Variants in PPP1R13B observed in about 807,000 individuals in gnomAD.
The protein encoded by PPP1R13B is protein phosphatase 1 regulatory subunit 13B, also known as apoptosis-stimulating of p53 protein 1.
In PPP1R13B, 44 loss-of-function variants were observed where a neutral mutation model predicts 119.8. The observed-to-expected ratio is 0.37, with a 90% CI of 0.29 to 0.47. The LOEUF (loss-of-function observed/expected upper bound fraction) is 0.47. Among genes scored for constraint, PPP1R13B ranks in the 20% least tolerant of loss-of-function variants. PPP1R13B has a pLI of 0.99. For missense variants in PPP1R13B, 1,227 were observed against 1,413.5 expected (o/e 0.87, Z 2.12); for synonymous variants, 542 against 561.5 (o/e 0.97, Z 0.49).
intron 4 of PPP1R13B, among the ~76,000 whole-genome samples, chr14:103,764,943 C>T (rs1364521324): frequency 6.6e-6 from 1 of 152,146 alleles, no homozygotes; most frequent in Non-Finnish European, 1.5e-5. Flanking sequence ...CTCAATCTCC[C>T]GAGTAGCTGG....
intron 2 of PPP1R13B, among the ~76,000 whole-genome samples, chr14:103,791,815 C>T (rs1332991433): frequency 6.6e-6 from 1 of 152,076 alleles, no homozygotes; most frequent in African/African-American, 2.4e-5. Context: ...ACACATATGC[C>T]TATAAAAAGA....
At chr14:103,826,592 T>C (rs576293465) in intron 1 of PPP1R13B, among the ~76,000 whole-genome samples, 7 of 152,078 alleles carry the variant, frequency 4.6e-5, no homozygotes, top group African/African-American at 1.7e-4. Context: ...ACATTGAAAA[T>C]TTCAAAACAA....
intron 1 of PPP1R13B, among the ~76,000 whole-genome samples, chr14:103,811,911 T>C (rs1595808590): frequency 6.8e-6 from 1 of 146,190 alleles, no homozygotes; most frequent in Non-Finnish European, 1.5e-5. Flanking sequence ...AAAAACAGCA[T>C]TAGCCGGGTG....
chr14:103,815,072 G>C (rs2086247077), intron 1 of PPP1R13B, among the ~76,000 whole-genome samples: 1 of 152,048 alleles, frequency 6.6e-6, no homozygotes, highest in Non-Finnish European at 1.5e-5. Context: ...AACAAAATGT[G>C]GTATACCCAT....
In PPP1R13B at chr14:103,742,392, C is replaced by A; in HGVS notation, c.1321-101G>T. 6.9e-7 allele frequency: 1 copy of A among 1,441,468 alleles called. No homozygotes were observed. The highest frequency in any genetic ancestry group is 9.2e-7 in the Non-Finnish European group (1 of 1,082,880). 89.3% of individuals were successfully genotyped at this position (1,441,468 alleles called of 1,614,324 possible). On this transcript the variant is annotated intron_variant, in intron 10 of 16. Coordinates refer to ENST00000202556, the MANE Select transcript of PPP1R13B (RefSeq NM_015316.3). The surrounding 1 kb of genome is among the most constrained non-coding windows in gnomAD (Gnocchi z 4.9). Reference sequence around the variant, plus strand: ...AGAATACACAGTAGAATTTGTAATCCGTCAAATTGGCTGTGACCAGGACTT... The same window carrying A: ...AGAATACACAGTAGAATTTGTAATCAGTCAAATTGGCTGTGACCAGGACTT...
intron 1 of PPP1R13B, among the ~76,000 whole-genome samples, chr14:103,800,657 A>T (rs1411220676): frequency 7.4e-6 from 1 of 135,474 alleles, no homozygotes; most frequent in Non-Finnish European, 1.7e-5. Context: ...TGTCTCAAAA[A>T]AACAAAAAAA....
At chr14:103,743,120 G>T (rs1457194698) in intron 9 of PPP1R13B, among the ~76,000 whole-genome samples, 1 of 152,238 alleles carries the variant, frequency 6.6e-6, no homozygotes, top group Non-Finnish European at 1.5e-5. Context: ...TGGGCCTGGG[G>T]CTGCACCCTA....
intron 1 of PPP1R13B, among the ~76,000 whole-genome samples, chr14:103,809,801 T>C (rs1012028020): frequency 3.3e-5 from 5 of 150,632 alleles, no homozygotes; most frequent in South Asian, 2.1e-4. Flanking sequence ...CCAGCCTGGG[T>C]GACAAAGTGA....
rs2084146847 is a variant in PPP1R13B, at chr14:103,737,626, G to A, written c.3031+68C>T. ...GCTGTGCTGAAGCTTCTCTGGCACCGGCTGACTGTTGCCATGGCAGTACCA... is the reference window on the plus strand; with the variant it reads ...GCTGTGCTGAAGCTTCTCTGGCACCAGCTGACTGTTGCCATGGCAGTACCA... On this transcript the variant is annotated intron_variant, in intron 15 of 16. Coordinates refer to ENST00000202556, the MANE Select transcript of PPP1R13B (RefSeq NM_015316.3). 9.1e-6 allele frequency: 14 copies of A among 1,535,644 alleles called. 1 individual carries two copies. The highest frequency in any genetic ancestry group is 3.7e-5 in the South Asian group (3 of 81,598).
At chr14:103,820,621 T>C (rs994429093) in intron 1 of PPP1R13B, among the ~76,000 whole-genome samples, 3 of 150,920 alleles carry the variant, frequency 2.0e-5, no homozygotes, top group African/African-American at 7.3e-5. Context: ...CACAAGTAGC[T>C]GGGACTGGCA....
chr14:103,789,552 G>A (rs867263878), intron 2 of PPP1R13B, among the ~76,000 whole-genome samples: 30 of 149,908 alleles, frequency 2.0e-4, no homozygotes, highest in Non-Finnish European at 1.0e-4. Context: ...TTACTGTGTC[G>A]TGCCCAGGCT....
intron 1 of PPP1R13B, among the ~76,000 whole-genome samples, chr14:103,833,574 C>T (rs976180095): frequency 3.3e-5 from 5 of 152,026 alleles, no homozygotes; most frequent in Admixed American, 1.3e-4. Context: ...ACCTGGGAGG[C>T]GGAGGTTACA....
chr14:103,792,898 G>A lies in PPP1R13B; in HGVS notation c.157+4473C>T, dbSNP rs552844443. ...AGCCTGGCCAATATGGTGAAACCTC[G>A]TCTCTACTAAAAAATGCAAAAAATT... On this transcript the variant is annotated intron_variant, in intron 2 of 16. Coordinates refer to ENST00000202556, the MANE Select transcript of PPP1R13B (RefSeq NM_015316.3). Among the ~76,000 whole-genome samples the A allele has an allele frequency of 3.0e-3, 463 of 151,896 alleles. 2 individuals carry two copies. The highest frequency in any genetic ancestry group is 0.011 in the African/African-American group (446 of 41,450).
chr14:103,815,291 G>A (rs1048679926), intron 1 of PPP1R13B, among the ~76,000 whole-genome samples: 8 of 152,066 alleles, frequency 5.3e-5, no homozygotes, highest in Non-Finnish European at 1.0e-4. Flanking sequence ...AGGAGAGAGC[G>A]GGAGTGACTG....
intron 2 of PPP1R13B, among the ~76,000 whole-genome samples, chr14:103,787,716 A>C (rs66509671): frequency 2.7e-5 from 4 of 146,406 alleles, no homozygotes; most frequent in African/African-American, 7.6e-5. Context: ...GCAGTGGCGC[A>C]ATCTCGGCTC....
At chr14:103,827,415 T>C (rs2086573557) in intron 1 of PPP1R13B, among the ~76,000 whole-genome samples, 1 of 152,144 alleles carries the variant, frequency 6.6e-6, no homozygotes, top group Admixed American at 6.6e-5. Context: ...AGATGTGTAG[T>C]ACAGCCTCCA....
At chr14:103,786,788 A>AAAAAAAAGCC (rs57372728) in intron 2 of PPP1R13B, among the ~76,000 whole-genome samples, 1 of 148,636 alleles carries the variant, frequency 6.7e-6, no homozygotes, top group East Asian at 2.0e-4. Flanking sequence ...AAAAAAAAAA[A>AAAAAAAAGCC]GGCTGGTCAT....
intron 1 of PPP1R13B, among the ~76,000 whole-genome samples, chr14:103,827,260 C>T (rs910566091): frequency 9.9e-5 from 15 of 151,958 alleles, no homozygotes; most frequent in Admixed American, 7.2e-4. Context: ...GGTGTGAACC[C>T]GGCAGGTGGA....
At chr14:103,843,809 T>C (rs1367557271) in intron 1 of PPP1R13B, among the ~76,000 whole-genome samples, 3 of 151,852 alleles carry the variant, frequency 2.0e-5, no homozygotes, top group African/African-American at 7.3e-5. Context: ...AAAAATTAGC[T>C]GGGCGTGGCG....
Sources: gnomAD v4.1 joint callset for allele counts (sites outside exome capture counted in the v4.1 genomes callset) on GRCh38, gnomAD v4.1.1 for gene constraint, Gnocchi (gnomAD v3.1) non-coding constraint, MANE v1.5 for transcripts, NCBI Gene and HGNC (gene_info 2026-07-23, HGNC 2026-07-21) for gene names.